TPP2: variants seen among roughly 807,000 people sequenced by gnomAD.
The protein encoded by TPP2 is tripeptidyl-peptidase 2.
A neutral mutation model predicts 155.9 loss-of-function variants in TPP2; 34 were observed. The observed-to-expected ratio is 0.22, with a 90% CI of 0.17 to 0.29. The LOEUF (loss-of-function observed/expected upper bound fraction) is 0.29, where lower values mean the gene tolerates loss of function less well. TPP2 is among the 10% of genes least tolerant of loss of function. TPP2 has a pLI of 1.00. For missense variants in TPP2, 1,028 were observed against 1,522.3 expected (o/e 0.68, Z 5.40); for synonymous variants, 510 against 529.4 (o/e 0.96, Z 0.50).
chr13:102,638,152 G>T, intron 14 of TPP2, 87 bp from the exon 15 acceptor site: 1 of 1,255,062 alleles, frequency 8.0e-7, no homozygotes, highest in South Asian at 1.2e-5. Context: ...AAAGTAGATT[G>T]ATTTATTCTG....
intron 20 of TPP2, 88 bp downstream of exon 20, chr13:102,646,478 T>A: frequency 1.2e-6 from 1 of 825,732 alleles, no homozygotes; most frequent in Non-Finnish European, 1.8e-6. Context: ...AAGGACAGTG[T>A]ATATGGTATA....
rs1881674707 is a variant in TPP2 at position 102,627,052 on chromosome 13, C to G, written c.825C>G (p.His275Gln). 1 of 1,598,198 alleles carries G rather than the reference C, an allele frequency of 6.3e-7. No individual in the cohort carries two copies. The highest frequency in any genetic ancestry group is 1.3e-5 in the African/African-American group (1 of 74,120). ...GTHVASIAAGHFPEEPERNGV... is the reference protein window; with the variant it reads ...GTHVASIAAGQFPEEPERNGV... ...ATGTAGCTAGTATAGCTGCTGGACA[C>G]TTTCCAGAAGAACCTGAACGGAATG... Residue 275 changes from histidine to glutamine, a missense_variant, in exon 7 of 30, where the codon CAC becomes CAG. Physicochemically the swap from His to Gln is conservative, Grantham distance 24. Around this residue, in one of 7 missense-constraint regions of TPP2, gnomAD observed 300 missense variants for 398.3 expected, o/e 0.75. Coordinates refer to ENST00000376052, the MANE Select transcript of TPP2 (RefSeq NM_001330588.2).
intron 4 of TPP2, among the ~76,000 whole-genome samples, chr13:102,617,856 A>C (rs148132143): frequency 6.6e-6 from 1 of 152,226 alleles, no homozygotes; most frequent in Non-Finnish European, 1.5e-5. Flanking sequence ...TGAACCAGGA[A>C]GGCCATGTTC....
chr13:102,639,450 C>T (rs1284990347), intron 15 of TPP2, among the ~76,000 whole-genome samples: 1 of 152,146 alleles, frequency 6.6e-6, no homozygotes, highest in African/African-American at 2.4e-5. Context: ...CCCTCGAAGT[C>T]CAGTAGTAAT....
chr13:102,647,454 T>G (rs1025667022), intron 21 of TPP2, 110 bp downstream of exon 21: 1 of 1,364,284 alleles, frequency 7.3e-7, no homozygotes, highest in South Asian at 1.6e-5. Flanking sequence ...ACAAAAATTA[T>G]AGCTTTGTGT....
chr13:102,678,578 G>A lies in TPP2; in HGVS notation c.*262G>A, dbSNP rs1248271266. The A allele has an allele frequency of 1.5e-5, 5 of 329,210 alleles. No individual in the cohort carries two copies. Among genetic ancestry groups the A allele is most frequent in the South Asian group, 5.2e-5 (1 of 19,278 alleles). The allele number at this position is 329,210 out of a possible 1,614,324, so 20.4% of individuals were successfully genotyped here. A position where few individuals can be genotyped will look rare whatever the true frequency, so the allele number is the denominator to read the frequency against. On this transcript the variant is annotated 3_prime_UTR_variant, in exon 30 of 30. Coordinates refer to ENST00000376052, the MANE Select transcript of TPP2 (RefSeq NM_001330588.2). ...CCTGCCTGCCAGCACCTAGGACTTC[G>A]AGTTGGGTTGCAGCTTATGACATGC... is the stretch of plus-strand genomic sequence containing the variant.
chr13:102,605,740 G>C (rs997856150), intron 2 of TPP2, among the ~76,000 whole-genome samples: 36 of 119,952 alleles, frequency 3.0e-4, no homozygotes, highest in African/African-American at 1.1e-3. Flanking sequence ...TTTTTTTTTC[G>C]AGACATAGAG....
intron 25 of TPP2, 24 bp from the exon 26 acceptor site, chr13:102,663,624 T>C (rs1884397116): frequency 2.6e-6 from 4 of 1,515,676 alleles, no homozygotes; most frequent in Admixed American, 4.4e-5. Flanking sequence ...AAAGTAAATA[T>C]TTCTCTCCTT....
At chr13:102,673,405 A>G (rs747564948) in intron 27 of TPP2, among the ~76,000 whole-genome samples, 1 of 152,142 alleles carries the variant, frequency 6.6e-6, no homozygotes, top group Non-Finnish European at 1.5e-5. Context: ...TTTAGTCCTC[A>G]TTGTTTTCAC....
chr13:102,651,687 A>G (rs1232784390), intron 24 of TPP2, among the ~76,000 whole-genome samples: 2 of 152,044 alleles, frequency 1.3e-5, no homozygotes, highest in Non-Finnish European at 2.9e-5. Flanking sequence ...ACAAGTAGCA[A>G]TATTTGAAAT....
In TPP2 at chr13:102,674,410, G is replaced by C. The variant is rs747715864; in HGVS notation, c.3499G>C (p.Glu1167Gln). 1.9e-6 allele frequency: 3 copies of C among 1,613,856 alleles called. No individual in the cohort carries two copies. Among genetic ancestry groups the C allele is most frequent in the African/African-American group, 1.3e-5 (1 of 74,902 alleles). ...AISTDAEGKEEEGESPLDSLA... is the reference protein window; with the variant it reads ...AISTDAEGKEQEGESPLDSLA... ...TTCCACTGATGCAGAAGGAAAGGAG[G>C]AGGAAGGAGAAAGTCCTTTGGATTC... Residue 1167 changes from glutamate to glutamine, a missense_variant, in exon 28 of 30, where the codon GAG (glutamate) becomes CAG (glutamine). Glu to Gln is a conservative substitution (Grantham distance 29, BLOSUM62 2). This residue lies in a region of TPP2 where 116 missense variants were observed against 117.3 expected (regional missense o/e 0.99). Coordinates refer to ENST00000376052, the MANE Select transcript of TPP2 (RefSeq NM_001330588.2).
At chr13:102,674,152 C>A in intron 27 of TPP2, 131 bp from the exon 28 acceptor site, 1 of 918,616 alleles carries the variant, frequency 1.1e-6, no homozygotes, top group Non-Finnish European at 1.6e-6. Context: ...TACAATTGTA[C>A]GTACCTGGAT....
At chr13:102,667,886 A>G (rs921934083) in intron 27 of TPP2, 1 of 947,852 alleles carries the variant, frequency 1.1e-6, no homozygotes, top group Non-Finnish European at 1.3e-6. Flanking sequence ...AGACACAGGT[A>G]TCCAGTGAAA....
chr13:102,677,806 A>G (rs1455358717), intron 29 of TPP2, among the ~76,000 whole-genome samples: 1 of 152,254 alleles, frequency 6.6e-6, no homozygotes, highest in East Asian at 1.9e-4. Context: ...TCATTTATTA[A>G]TTTGCTTATT....
Position 102,627,868 on chromosome 13 carries a change from T to A in TPP2, c.960T>A (p.His320Gln), listed in dbSNP as rs1881750504. 2 of 1,613,352 alleles carry A rather than the reference T, an allele frequency of 1.2e-6. No homozygotes were observed. Among genetic ancestry groups the A allele is most frequent in the Non-Finnish European group, 1.7e-6 (2 of 1,179,706 alleles). ...LIRAMIEVIN[H>Q]KCDLVNYSYG... ...AATAGATGATAGAAGTTATAAATCA[T>A]AAGTGTGATCTTGTCAACTACAGTT... Residue 320 changes from histidine (H) to glutamine (Q), a missense_variant, in exon 8 of 30, where the codon CAT becomes CAA. Around this residue, in one of 7 missense-constraint regions of TPP2, gnomAD observed 300 missense variants for 398.3 expected, o/e 0.75. Coordinates refer to ENST00000376052, the MANE Select transcript of TPP2 (RefSeq NM_001330588.2).
intron 10 of TPP2, 69 bp from the exon 11 acceptor site, chr13:102,633,881 C>T (rs1882191669): frequency 3.1e-6 from 5 of 1,598,218 alleles, no homozygotes; most frequent in East Asian, 2.2e-5. Context: ...AACCAGTGGT[C>T]GTCTTAAAAA....
chr13:102,664,852 A>G lies in TPP2; in HGVS notation c.3298A>G (p.Ile1100Val). The change falls in exon 27 of 30, where the codon ATA becomes GTA. Residue 1100 changes from isoleucine (I) to valine (V), a missense_variant. Ile to Val is a conservative substitution (Grantham distance 29). Transcript: ENST00000376052. Reference protein sequence around the residue: ...VDAANAVISHIDQTALAVYIA... With the variant: ...VDAANAVISHVDQTALAVYIA... ...TGCGGCAAATGCTGTTATTTCTCAT[A>G]TAGATCAAACAGCCCTAGCAGTTTA... 2 of 1,613,806 alleles carry G rather than the reference A, an allele frequency of 1.2e-6. No homozygotes were observed. The highest frequency in any genetic ancestry group is 1.1e-5 in the South Asian group (1 of 91,052).
At chr13:102,628,061 G>A in intron 8 of TPP2, 137 bp downstream of exon 8, 1 of 687,978 alleles carries the variant, frequency 1.5e-6, no homozygotes, top group Non-Finnish European at 2.4e-6. Flanking sequence ...TGTTCAAGAG[G>A]ACTTTCATCC....
In TPP2 at chr13:102,644,032, T is replaced by TA. The variant is rs377555458; in HGVS notation, c.2176-524dup. Among the ~76,000 whole-genome samples, 55 of 152,334 alleles carry TA rather than the reference T, an allele frequency of 3.6e-4. 1 individual carries two copies. The highest frequency in any genetic ancestry group is 1.3e-3 in the African/African-American group (54 of 41,586). Reference sequence around the variant, plus strand: ...TTAAATCACTGATTACTAGAAAACTTACTTTAAAACTCAGTGCTAAGAGCA... The same window carrying TA: ...TTAAATCACTGATTACTAGAAAACTTAACTTTAAAACTCAGTGCTAAGAGCA... On this transcript the variant is annotated intron_variant, in intron 17 of 29. Transcript: ENST00000376052.
Sources: allele counts gnomAD v4.1 joint callset (sites outside exome capture counted in the v4.1 genomes callset), GRCh38; gene constraint gnomAD v4.1.1; regional missense constraint gnomAD v4.1.1; transcripts MANE v1.5; gene names NCBI Gene and HGNC (gene_info 2026-07-23, HGNC 2026-07-21).